OR2C1: variants seen among roughly 807,000 people sequenced by gnomAD.
OR2C1 encodes olfactory receptor 2C1.
For missense variants in OR2C1, 468 were observed against 388.3 expected, an observed-to-expected ratio of 1.21 and a Z score of -1.73; for synonymous variants, 209 against 167.3, an observed-to-expected ratio of 1.25 and a Z score of -1.92.
chr16:3,327,239 T>G, the OR2C1 span, among the ~76,000 whole-genome samples: 1 of 152,148 alleles, frequency 6.6e-6, no homozygotes. Context: ...CCCCTCCAGT[T>G]TTTTTATTTT....
At chr16:3,338,972 C>T in the OR2C1 span, among the ~76,000 whole-genome samples, 1 of 152,074 alleles carries the variant, frequency 6.6e-6, no homozygotes, top group Non-Finnish European at 1.5e-5. Context: ...TTTTAATCAC[C>T]CTGAAAGAAA....
chr16:3,335,707 A>G, the OR2C1 span, among the ~76,000 whole-genome samples: 1 of 151,730 alleles, frequency 6.6e-6, no homozygotes, highest in Admixed American at 6.6e-5. Flanking sequence ...TTGTATTTTT[A>G]ATAGAGACTA....
At chr16:3,334,711 T>C in the OR2C1 span, among the ~76,000 whole-genome samples, 4 of 152,010 alleles carry the variant, frequency 2.6e-5, no homozygotes, top group African/African-American at 7.2e-5. Flanking sequence ...GTGTTCTCTA[T>C]TCTGCTCCAT....
chr16:3,340,768 A>T, the OR2C1 span, among the ~76,000 whole-genome samples: 4 of 152,162 alleles, frequency 2.6e-5, no homozygotes, highest in Non-Finnish European at 5.9e-5. Flanking sequence ...ATTTATGGCT[A>T]TATAGGTTTA....
chr16:3,323,892 C>A, the OR2C1 span: 9 of 1,322,926 alleles, frequency 6.8e-6, no homozygotes, highest in Non-Finnish European at 9.5e-6. Context: ...TTTTCTGGAA[C>A]CAAAGGGATT....
chr16:3,347,246 C>CAAAAAAAAAAAAAAA, the OR2C1 span, among the ~76,000 whole-genome samples: 2 of 64,486 alleles, frequency 3.1e-5, 1 homozygote, highest in African/African-American at 1.3e-4. Context: ...GACTCTGTCT[C>CAAAAAAAAAAAAAAA]AAAAAAAAAA....
the OR2C1 span, among the ~76,000 whole-genome samples, chr16:3,350,780 G>T: frequency 6.6e-6 from 1 of 151,834 alleles, no homozygotes; most frequent in African/African-American, 2.4e-5. Flanking sequence ...TGGTCCAGGA[G>T]AGAAGCTGGG....
chr16:3,329,559 C>T, the OR2C1 span, among the ~76,000 whole-genome samples: 1 of 151,416 alleles, frequency 6.6e-6, no homozygotes, highest in Non-Finnish European at 1.5e-5. Flanking sequence ...ATGCCATTCT[C>T]CTGCCTCAGC....
the OR2C1 span, among the ~76,000 whole-genome samples, chr16:3,347,822 A>G: frequency 1.0e-5 from 1 of 98,860 alleles, no homozygotes; most frequent in African/African-American, 3.2e-5. Flanking sequence ...ACACACGAAC[A>G]CACATGCACA....
chr16:3,335,309 A>C, the OR2C1 span, among the ~76,000 whole-genome samples: 1 of 152,146 alleles, frequency 6.6e-6, no homozygotes, highest in African/African-American at 2.4e-5. Context: ...CCAATACATG[A>C]GTATGGAATA....
the OR2C1 span, among the ~76,000 whole-genome samples, chr16:3,334,137 T>TA: frequency 5.0e-3 from 708 of 141,060 alleles, 9 homozygotes; most frequent in African/African-American, 0.012. Context: ...CATGCTTTGC[T>TA]AATTTTTTTT....
At position 3,356,354 on chromosome 16, in the gene OR2C1, C is replaced by G. The variant is rs770217246; in HGVS notation, c.414C>G (p.Pro138=). 3 of 1,613,640 alleles carry G rather than the reference C, an allele frequency of 1.9e-6. No individual in the cohort carries two copies. Among genetic ancestry groups the G allele is most frequent in the South Asian group, 2.2e-5 (2 of 91,078 alleles). ...RPLRYTAIMN[P]QLCWLLAVIA... The stretch of plus-strand genomic sequence containing the variant: ...TCCGCTACACCGCCATCATGAACCC[C>G]CAGCTCTGCTGGCTGCTGGCTGTGA... The change falls in exon 1 of 1, where the codon CCC becomes CCG. Residue 138 remains proline, a synonymous_variant. Coordinates refer to ENST00000304936, the MANE Select transcript of OR2C1 (RefSeq NM_012368.3).
the OR2C1 span, among the ~76,000 whole-genome samples, chr16:3,325,022 C>G: frequency 1.3e-5 from 2 of 152,122 alleles, no homozygotes; most frequent in Non-Finnish European, 2.9e-5. Flanking sequence ...CACTCTGTCA[C>G]CCAGACTGGA....
chr16:3,347,863 C>T, the OR2C1 span, among the ~76,000 whole-genome samples: 1 of 149,642 alleles, frequency 6.7e-6, no homozygotes, highest in Non-Finnish European at 1.5e-5. Context: ...CACACACGCG[C>T]ACACACACAC....
At chr16:3,338,818 G>C in the OR2C1 span, among the ~76,000 whole-genome samples, 1 of 152,128 alleles carries the variant, frequency 6.6e-6, no homozygotes. Flanking sequence ...TTACGGGCTT[G>C]AGCCACCGCG....
At chr16:3,352,756 T>C (rs535493100), upstream of OR2C1, among the ~76,000 whole-genome samples, 454 of 108,846 alleles carry the variant, frequency 4.2e-3, 1 homozygote, top group African/African-American at 0.015. Flanking sequence ...TTTTTTTTTT[T>C]CTGAGGTAGA....
At chr16:3,350,159 G>T in the OR2C1 span, among the ~76,000 whole-genome samples, 1 of 136,782 alleles carries the variant, frequency 7.3e-6, no homozygotes, top group Non-Finnish European at 1.5e-5. Flanking sequence ...AGGTTCAAGC[G>T]ATTCTCCCGC....
chr16:3,346,792 A>G, the OR2C1 span, among the ~76,000 whole-genome samples: 3 of 150,896 alleles, frequency 2.0e-5, no homozygotes, highest in Non-Finnish European at 3.0e-5. Context: ...ACCACGCTCG[A>G]CTAATTTTTG....
chr16:3,335,613 A>C, the OR2C1 span, among the ~76,000 whole-genome samples: 1 of 129,418 alleles, frequency 7.7e-6, no homozygotes, highest in African/African-American at 3.0e-5. Flanking sequence ...TGCAACCTCC[A>C]CCTCCTGGGT....
Sources: gnomAD v4.1 joint callset for allele counts (sites outside exome capture counted in the v4.1 genomes callset) on GRCh38, gnomAD v4.1.1 for gene constraint, MANE v1.5 for transcripts, NCBI Gene and HGNC (gene_info 2026-07-23, HGNC 2026-07-21) for gene names.